Variants in CATSPERD observed in about 807,000 individuals in gnomAD.
CATSPERD encodes catsper channel auxiliary subunit delta, also known as cation channel sperm-associated auxiliary subunit delta.
In CATSPERD, 86 loss-of-function variants were observed where a neutral mutation model predicts 98.1. The observed-to-expected ratio is 0.88, with a 90% CI of 0.74 to 1.05. The LOEUF is 1.05. Among genes scored for constraint, CATSPERD ranks in the 50% least tolerant of loss-of-function variants. The probability of loss-of-function intolerance (pLI) is 0.00; values close to 1 mark genes in which losing one functional copy is unlikely to be tolerated. For missense variants in CATSPERD, 995 were observed against 1,005.7 expected (o/e 0.99, Z 0.14); for synonymous variants, 394 against 390.2 (o/e 1.01, Z -0.12).
chr19:5,747,342 A>AT (rs1488568688), intron 9 of CATSPERD, among the ~76,000 whole-genome samples: 1 of 149,776 alleles, frequency 6.7e-6, no homozygotes, highest in Non-Finnish European at 1.5e-5. Context: ...TAACTAACTT[A>AT]TTTTTTGTAG....
chr19:5,749,016 C>T (rs2056152633), intron 10 of CATSPERD, 85 bp from the exon 11 acceptor site: 2 of 1,140,814 alleles, frequency 1.8e-6, no homozygotes, highest in East Asian at 5.2e-5. Context: ...AGGCGTGAGC[C>T]ACTGCACCCA....
chr19:5,741,797 G>A (rs1323208626), intron 7 of CATSPERD, among the ~76,000 whole-genome samples: 2 of 90,242 alleles, frequency 2.2e-5, no homozygotes, highest in Admixed American at 1.1e-4. Context: ...GGGGGGGGGG[G>A]GTGGTGTGGA....
chr19:5,755,737 C>A (rs2056312629), intron 13 of CATSPERD, among the ~76,000 whole-genome samples: 1 of 151,984 alleles, frequency 6.6e-6, no homozygotes, highest in Admixed American at 6.6e-5. Flanking sequence ...CGTGCCATTG[C>A]ACTCCAGCCT....
intron 9 of CATSPERD, among the ~76,000 whole-genome samples, chr19:5,746,906 A>G (rs1374588529): frequency 2.0e-5 from 3 of 151,870 alleles, no homozygotes; most frequent in Admixed American, 6.6e-5. Flanking sequence ...GCAGTGGTGC[A>G]ATCATGGCTC....
chr19:5,750,666 C>T (rs1162744488), intron 11 of CATSPERD, among the ~76,000 whole-genome samples: 1 of 151,440 alleles, frequency 6.6e-6, no homozygotes, highest in South Asian at 2.1e-4. Context: ...ACCCGGGAGA[C>T]GGAGGTTGCA....
intron 7 of CATSPERD, 70 bp downstream of exon 7, chr19:5,739,509 A>G (rs1320808446): frequency 2.3e-6 from 2 of 884,470 alleles, no homozygotes; most frequent in Non-Finnish European, 3.6e-6. Context: ...ATTGCTGTCA[A>G]TGGGTGCGTG....
At chr19:5,745,875 G>C in intron 8 of CATSPERD, 38 bp from the exon 9 acceptor site, 1 of 1,609,794 alleles carries the variant, frequency 6.2e-7, no homozygotes, top group South Asian at 1.1e-5. Context: ...TCCACAGTAG[G>C]GTTTGGGGAG....
At chr19:5,760,778 CAGCAACTCAGGAGATCCAT>C (rs1237030717) in intron 15 of CATSPERD, among the ~76,000 whole-genome samples, 6 of 151,924 alleles carry the variant, frequency 3.9e-5, no homozygotes, top group African/African-American at 1.5e-4. Context: ...CCTATAATCA[CAGCAACTCAGGAGATCCAT>C]AGCAACTCAG....
chr19:5,773,086 G>C (rs2056680820), intron 20 of CATSPERD, 121 bp downstream of exon 20: 1 of 985,228 alleles, frequency 1.0e-6, no homozygotes, highest in African/African-American at 1.6e-5. Context: ...GGGCGCGGTG[G>C]CTCACGCCTG....
At chr19:5,766,220 G>A in intron 17 of CATSPERD, 65 bp downstream of exon 17, 2 of 1,435,208 alleles carry the variant, frequency 1.4e-6, no homozygotes, top group South Asian at 1.2e-5. Context: ...GGAGGCCGAG[G>A]TGGGCAGATC....
intron 7 of CATSPERD, among the ~76,000 whole-genome samples, chr19:5,741,730 G>A (rs1188916941): frequency 9.0e-5 from 13 of 144,898 alleles, no homozygotes; most frequent in African/African-American, 2.5e-4. Context: ...TCAAATGACC[G>A]CTGTCCAGGC....
chr19:5,743,651 T>TCA (rs2056035706), intron 7 of CATSPERD, among the ~76,000 whole-genome samples: 1 of 143,042 alleles, frequency 7.0e-6, no homozygotes, highest in Non-Finnish European at 1.5e-5. Context: ...TGTCTCTGTC[T>TCA]CTCTCTCTCT....
chr19:5,745,340 C>T (rs568293533), intron 8 of CATSPERD, among the ~76,000 whole-genome samples: 7 of 149,106 alleles, frequency 4.7e-5, no homozygotes, highest in Admixed American at 2.7e-4. Context: ...AAAATGAGGC[C>T]GGGTGCAGTG....
chr19:5,751,298 G>A (rs914718594), intron 11 of CATSPERD, among the ~76,000 whole-genome samples: 11 of 147,658 alleles, frequency 7.4e-5, no homozygotes, highest in Admixed American at 2.7e-4. Context: ...GCCGAGGCGG[G>A]CGGATCACGA....
chr19:5,742,248 ATGTG>A (rs1250395117), intron 7 of CATSPERD, among the ~76,000 whole-genome samples: 4 of 117,434 alleles, frequency 3.4e-5, no homozygotes, highest in African/African-American at 6.6e-5. Context: ...ACGTATGTGA[ATGTG>A]TGTGGGTGTG....
At chr19:5,754,322 C>A in intron 13 of CATSPERD, 77 bp downstream of exon 13, 1 of 922,336 alleles carries the variant, frequency 1.1e-6, no homozygotes, top group Non-Finnish European at 1.8e-6. Context: ...TTCTGGAAAT[C>A]CCCTGGCATC....
At chr19:5,773,181 G>T (rs1196580892) in intron 20 of CATSPERD, among the ~76,000 whole-genome samples, 1 of 152,234 alleles carries the variant, frequency 6.6e-6, no homozygotes, top group East Asian at 1.9e-4. Flanking sequence ...GCAAAAGCCC[G>T]TCTCTACTAA....
intron 15 of CATSPERD, among the ~76,000 whole-genome samples, chr19:5,762,058 A>ATATATATTT: frequency 1.9e-4 from 2 of 10,434 alleles, no homozygotes; most frequent in African/African-American, 6.6e-4. Context: ...ATATATATAT[A>ATATATATTT]TTTTTTTTTT....
At chr19:5,741,741 G>C (rs574300936) in intron 7 of CATSPERD, among the ~76,000 whole-genome samples, 2 of 142,854 alleles carry the variant, frequency 1.4e-5, no homozygotes, top group Non-Finnish European at 3.0e-5. Context: ...CTGTCCAGGC[G>C]CGGTGCCTCA....
Sources: gnomAD v4.1 joint callset for allele counts (sites outside exome capture counted in the v4.1 genomes callset) on GRCh38, gnomAD v4.1.1 for gene constraint, MANE v1.5 for transcripts, NCBI Gene and HGNC (gene_info 2026-07-23, HGNC 2026-07-21) for gene names.